GPR107: variants seen among roughly 807,000 people sequenced by gnomAD.
The protein encoded by GPR107 is G protein-coupled receptor 107, also known as protein GPR107.
A neutral mutation model predicts 75.5 loss-of-function variants in GPR107; 31 were observed. That is an observed-to-expected ratio of 0.41 (90% CI 0.31 to 0.55). The LOEUF is 0.55. Among genes scored for constraint, GPR107 ranks in the 20% least tolerant of loss-of-function variants. The pLI is 0.26. For missense variants in GPR107, 572 were observed against 665.7 expected, an observed-to-expected ratio of 0.86 and a Z score of 1.55; for synonymous variants, 267 against 251.3, an observed-to-expected ratio of 1.06 and a Z score of -0.59.
At chr9:130,099,799 TTTTTGG>T (rs1830970403) in intron 10 of GPR107, among the ~76,000 whole-genome samples, 1 of 140 alleles carries the variant, frequency 7.1e-3, no homozygotes, top group African/African-American at 0.028. Context: ...TATTTCTTTG[TTTTTGG>T]TTTGTTTTGT....
At chr9:130,082,122 C>T (rs1294992050) in intron 5 of GPR107, among the ~76,000 whole-genome samples, 4 of 152,156 alleles carry the variant, frequency 2.6e-5, no homozygotes, top group South Asian at 2.1e-4. Flanking sequence ...AGAACTCACT[C>T]CTTACCACAA....
intron 15 of GPR107, 152 bp from the exon 16 acceptor site, chr9:130,127,331 C>T (rs1831712839): frequency 3.2e-6 from 2 of 623,902 alleles, no homozygotes; most frequent in Admixed American, 5.2e-5. Flanking sequence ...TGTCTCTCCG[C>T]TGCACGTATT....
At chr9:130,101,580 A>G (rs1831032593) in intron 12 of GPR107, among the ~76,000 whole-genome samples, 1 of 152,052 alleles carries the variant, frequency 6.6e-6, no homozygotes, top group Non-Finnish European at 1.5e-5. Flanking sequence ...TGATTTTATT[A>G]ACAAAGTATT....
At chr9:130,063,725 AT>A (rs1382646692) in intron 1 of GPR107, among the ~76,000 whole-genome samples, 1 of 149,740 alleles carries the variant, frequency 6.7e-6, no homozygotes, top group Non-Finnish European at 1.5e-5. Flanking sequence ...AATTCCAGTG[AT>A]TGCTTTGTCT....
rs1832056519 is a variant in GPR107 at position 130,139,856 on chromosome 9, A to G, written c.*4735A>G. 1 of 152,236 alleles carries G rather than the reference A, an allele frequency of 6.6e-6. No homozygotes were observed. Among genetic ancestry groups the G allele is most frequent in the Non-Finnish European group, 1.5e-5 (1 of 68,050 alleles). The allele number at this position is 152,236 out of a possible 1,614,324, so 9.4% of individuals were successfully genotyped here. On this transcript the variant is annotated 3_prime_UTR_variant, in exon 18 of 18. Transcript: ENST00000347136. ...TTCACATGGGGGCTTTGACTCTTCA[A>G]ACAGCTTTTGCAGATCGTAAATTGC...
Position 130,104,533 on chromosome 9 carries a change from C to G in GPR107, c.1245C>G (p.Ile415Met). Residue 415 changes from isoleucine (I) to methionine (M), a missense_variant, in exon 13 of 18, where the codon ATC (isoleucine) becomes ATG (methionine). Transcript: ENST00000347136. ...FLVDLLCCGA[I>M]LFPVVWSIRH... Reference sequence around the variant, plus strand: ...TCGACCTGTTGTGTTGTGGTGCCATCCTCTTCCCAGTGGTGTGGTGAGTAG... The same window carrying G: ...TCGACCTGTTGTGTTGTGGTGCCATGCTCTTCCCAGTGGTGTGGTGAGTAG... 6.2e-7 allele frequency: 1 copy of G among 1,613,866 alleles called. No individual in the cohort carries two copies. Among genetic ancestry groups the G allele is most frequent in the Non-Finnish European group, 8.5e-7 (1 of 1,179,752 alleles).
chr9:130,079,524 A>G (rs1830441381), intron 4 of GPR107, 106 bp from the exon 5 acceptor site: 1 of 800,206 alleles, frequency 1.2e-6, no homozygotes, highest in Non-Finnish European at 1.9e-6. Flanking sequence ...TACATTGTAG[A>G]ACATGATAAG....
At chr9:130,128,353 G>A (rs1392598280) in intron 16 of GPR107, among the ~76,000 whole-genome samples, 1 of 152,198 alleles carries the variant, frequency 6.6e-6, no homozygotes, top group Non-Finnish European at 1.5e-5. Context: ...GGGTGCTGTA[G>A]GCACTGTGGG....
chr9:130,116,947 T>C (rs1190645264), intron 14 of GPR107, among the ~76,000 whole-genome samples: 2 of 50,806 alleles, frequency 3.9e-5, no homozygotes. Context: ...ATTTGAAATG[T>C]ATTTTTTTTT....
intron 9 of GPR107, among the ~76,000 whole-genome samples, chr9:130,095,875 A>G (rs927631712): frequency 2.0e-5 from 3 of 152,164 alleles, no homozygotes; most frequent in Non-Finnish European, 2.9e-5. Context: ...ATAAAGGCAT[A>G]TGACCAAGGC....
chr9:130,085,670 A>G (rs1830595724), intron 6 of GPR107, among the ~76,000 whole-genome samples: 2 of 150,932 alleles, frequency 1.3e-5, no homozygotes, highest in African/African-American at 4.9e-5. Flanking sequence ...TATATTCAGC[A>G]TAATTACTTT....
rs1832026947 is a variant in GPR107, at chr9:130,138,924, T to G, written c.*3803T>G. 1 of 152,204 alleles carries G rather than the reference T, an allele frequency of 6.6e-6. No individual in the cohort carries two copies. Among genetic ancestry groups the G allele is most frequent in the African/African-American group, 2.4e-5 (1 of 41,444 alleles). 9.4% of individuals were successfully genotyped at this position (152,204 alleles called of 1,614,324 possible). The stretch of plus-strand genomic sequence containing the variant: ...GAAACATTTTCTTTGAGGAAGGCTC[T>G]TAGAACATTAGATAGTCTGCTGAGG... On this transcript the variant is annotated 3_prime_UTR_variant, in exon 18 of 18. Transcript: ENST00000347136.
At chr9:130,057,779 T>C (rs1402816832) in intron 1 of GPR107, among the ~76,000 whole-genome samples, 1 of 151,650 alleles carries the variant, frequency 6.6e-6, no homozygotes, top group Non-Finnish European at 1.5e-5. Flanking sequence ...CTTCTCACAG[T>C]CCATCTCTTT....
At position 130,137,949 on chromosome 9, in the gene GPR107, T is replaced by C. The variant is rs1485762980; in HGVS notation, c.*2828T>C. 3 of 152,230 alleles carry C rather than the reference T, an allele frequency of 2.0e-5. No individual in the cohort carries two copies. Among genetic ancestry groups the C allele is most frequent in the African/African-American group, 7.2e-5 (3 of 41,452 alleles). The allele number at this position is 152,230 out of a possible 1,614,324, so 9.4% of individuals were successfully genotyped here. A position where few individuals can be genotyped will look rare whatever the true frequency, so the allele number is the denominator to read the frequency against. Reference sequence around the variant, plus strand: ...AAATATCCATGTTTCCTCTGAGAAATCTGTTGTGGACTGAAAGCGCTGCTG... The same window carrying C: ...AAATATCCATGTTTCCTCTGAGAAACCTGTTGTGGACTGAAAGCGCTGCTG... On this transcript the variant is annotated 3_prime_UTR_variant, in exon 18 of 18. Transcript: ENST00000347136.
At chr9:130,128,506 C>T in intron 16 of GPR107, 134 bp from the exon 17 acceptor site, 1 of 756,046 alleles carries the variant, frequency 1.3e-6, no homozygotes, top group Non-Finnish European at 2.3e-6. Flanking sequence ...TGCCCTGTAG[C>T]AGGAAGTGGC....
chr9:130,062,831 T>A (rs1234677423), intron 1 of GPR107, among the ~76,000 whole-genome samples: 1 of 151,376 alleles, frequency 6.6e-6, no homozygotes, highest in African/African-American at 2.4e-5. Context: ...GGGATCCTCC[T>A]GCCTCAGCCT....
At chr9:130,125,418 G>T (rs60287892) in intron 15 of GPR107, among the ~76,000 whole-genome samples, 2 of 128,252 alleles carry the variant, frequency 1.6e-5, no homozygotes, top group African/African-American at 2.9e-5. Context: ...TTTTTTTTAA[G>T]ACTGGGTCTC....
chr9:130,069,668 A>G (rs1830153061), intron 1 of GPR107, among the ~76,000 whole-genome samples: 2 of 152,050 alleles, frequency 1.3e-5, no homozygotes, highest in African/African-American at 2.4e-5. Context: ...ATTATTGGCA[A>G]CAGTACTTTC....
At chr9:130,101,745 A>C (rs1043132103) in intron 12 of GPR107, among the ~76,000 whole-genome samples, 4 of 152,332 alleles carry the variant, frequency 2.6e-5, no homozygotes, top group Middle Eastern at 3.4e-3. Flanking sequence ...GCCTTGTCTT[A>C]CTGGAAGCAG....
Sources: allele counts gnomAD v4.1 joint callset (sites outside exome capture counted in the v4.1 genomes callset), GRCh38; gene constraint gnomAD v4.1.1; transcripts MANE v1.5; gene names NCBI Gene and HGNC (gene_info 2026-07-23, HGNC 2026-07-21).